The following POMC variants were observed in gnomAD, a reference collection of about 807,000 sequenced individuals.
The protein encoded by POMC is proopiomelanocortin, also known as pro-opiomelanocortin.
A neutral mutation model predicts 18.5 loss-of-function variants in POMC; 19 were observed. The observed-to-expected ratio is 1.03, with a 90% CI of 0.72 to 1.51. The LOEUF (loss-of-function observed/expected upper bound fraction) is 1.51, where lower values mean the gene tolerates loss of function less well. Among genes scored for constraint, POMC ranks in the 40% most tolerant of loss-of-function variants. The probability of loss-of-function intolerance (pLI) is 0.00; values close to 1 mark genes in which losing one functional copy is unlikely to be tolerated. For missense variants in POMC, 451 were observed against 379.0 expected (o/e 1.19, Z -1.58); for synonymous variants, 179 against 161.9 (o/e 1.11, Z -0.80).
At chr2:25,163,881 T>G (rs1671469668) in intron 2 of POMC, among the ~76,000 whole-genome samples, 1 of 152,140 alleles carries the variant, frequency 6.6e-6, no homozygotes, top group South Asian at 2.1e-4. Flanking sequence ...CACCTTAGCA[T>G]CTAAAAGTGC....
Position 25,161,564 on chromosome 2 carries a change from G to A in POMC, c.321C>T (p.Val107=), listed in dbSNP as rs1377850721. 1.9e-6 allele frequency: 3 copies of A among 1,568,618 alleles called. No homozygotes were observed. The highest frequency in any genetic ancestry group is 1.9e-5 in the Admixed American group (1 of 53,656). ...SSGAGQKRED[V]SAGEDCGPLP... ...GCGGGCCGCAGTCTTCGCCCGCTGA[G>A]ACGTCCTCGCGCTTCTGCCCTGCGC... Residue 107 remains valine, a synonymous_variant, in exon 3 of 3, where the codon GTC becomes GTT. Coordinates refer to ENST00000395826, the MANE Select transcript of POMC (RefSeq NM_000939.4). The surrounding 1 kb of genome is among the most constrained non-coding windows in gnomAD (Gnocchi z 5.7).
At chr2:25,164,613 G>A (rs1671490932) in intron 2 of POMC, 28 bp downstream of exon 2, 3 of 1,613,712 alleles carry the variant, frequency 1.9e-6, no homozygotes, top group Non-Finnish European at 2.5e-6. Context: ...TAATGTCTAA[G>A]CCAAGATGGC....
At chr2:25,163,718 C>T (rs751516443) in intron 2 of POMC, among the ~76,000 whole-genome samples, 27 of 152,268 alleles carry the variant, frequency 1.8e-4, no homozygotes, top group Non-Finnish European at 2.1e-4. Context: ...CTTACTGTGT[C>T]GTCAGACTCC....
rs1671410192 is a variant in POMC, at chr2:25,161,973, T to C, written c.133-221A>G. The stretch of plus-strand genomic sequence containing the variant: ...TCTAAGATCTTGCCACTGCCTCTTT[T>C]GTCCCATCCCCTTCATGCTTCTGCC... On this transcript the variant is annotated intron_variant, in intron 2 of 2. Transcript: ENST00000395826. This position sits in a 1 kb window ranked among gnomAD's most constrained non-coding sequence, Gnocchi z 5.7. Among the ~76,000 whole-genome samples the C allele has an allele frequency of 6.6e-6, 1 of 152,226 alleles. No homozygotes were observed. Among genetic ancestry groups the C allele is most frequent in the Admixed American group, 6.5e-5 (1 of 15,284 alleles).
intron 2 of POMC, among the ~76,000 whole-genome samples, chr2:25,164,330 T>A (rs972561567): frequency 6.6e-6 from 1 of 152,122 alleles, no homozygotes; most frequent in Admixed American, 6.5e-5. Context: ...CAGAATAGAT[T>A]GAGGGGTCCA....
In POMC at chr2:25,161,602, T is replaced by TGCTGCCGCTGCTGCTGCTGTTGCG; in HGVS notation, c.282_283insCGCAACAGCAGCAGCAGCGGCAGC (p.Ser94_Ser95insArgAsnSerSerSerSerGlySer). ...TTCTGCCCTGCGCCGCTGCTGCCGC[T>TGCTGCCGCTGCTGCTGCTGTTGCG]GCTGCTGCTGTTGCGGCGGCCGAAT... On this transcript the variant is annotated inframe_insertion, in exon 3 of 3. Transcript: ENST00000395826. This position sits in a 1 kb window ranked among gnomAD's most constrained non-coding sequence, Gnocchi z 5.7. The TGCTGCCGCTGCTGCTGCTGTTGCG allele has an allele frequency of 6.4e-7, 1 of 1,555,452 alleles. No individual in the cohort carries two copies. Among genetic ancestry groups the TGCTGCCGCTGCTGCTGCTGTTGCG allele is most frequent in the Non-Finnish European group, 8.7e-7 (1 of 1,149,684 alleles).
intron 2 of POMC, among the ~76,000 whole-genome samples, chr2:25,163,519 C>T (rs769996835): frequency 3.9e-5 from 6 of 152,246 alleles, no homozygotes; most frequent in Non-Finnish European, 7.3e-5. Flanking sequence ...TCTGCATTGA[C>T]AAAATACACA....
In POMC at chr2:25,161,140, G is replaced by A. The variant is rs761359264; in HGVS notation, c.745C>T (p.Pro249Ser). 46 of 1,613,860 alleles carry A rather than the reference G, an allele frequency of 2.9e-5. No individual in the cohort carries two copies. The Admixed American group carries it at 7.7e-4, about 27-fold the overall frequency. The change falls in exon 3 of 3, where the codon CCC (proline) becomes TCC (serine). Residue 249 changes from proline (P) to serine (S), a missense_variant. By Grantham distance (74) the Pro-to-Ser change is moderately conservative (BLOSUM62 -1). Transcript: ENST00000395826. This position sits in a 1 kb window ranked among gnomAD's most constrained non-coding sequence, Gnocchi z 5.7. ...GCGTTTTTGAACAGCGTCACCAGGGGCGTCTGGCTCTTCTCGGAGGTCATG... is the reference window on the plus strand; with the variant it reads ...GCGTTTTTGAACAGCGTCACCAGGGACGTCTGGCTCTTCTCGGAGGTCATG... ...GFMTSEKSQTPLVTLFKNAII... is the reference protein window; with the variant it reads ...GFMTSEKSQTSLVTLFKNAII...
chr2:25,164,308 A>G (rs368380984), intron 2 of POMC, among the ~76,000 whole-genome samples: 1 of 152,342 alleles, frequency 6.6e-6, no homozygotes, highest in African/African-American at 2.4e-5. Flanking sequence ...GGGAAGCTAA[A>G]GATTTAAAGT....
chr2:25,167,532 G>A lies in POMC; in HGVS notation c.-21+966C>T, dbSNP rs141185340. On this transcript the variant is annotated intron_variant, in intron 1 of 2. Coordinates refer to ENST00000395826, the MANE Select transcript of POMC (RefSeq NM_000939.4). ...GAGGGCATCCGAAACTAGACAGTGC[G>A]TTTCAGGATCTAGGACAGCTCCCGC... 1.1e-3 allele frequency among the ~76,000 whole-genome samples: 175 copies of A among 152,288 alleles called. 1 individual carries two copies. Among genetic ancestry groups the A allele is most frequent in the African/African-American group, 3.4e-3 (140 of 41,564 alleles).
chr2:25,164,123 C>T (rs547086936), intron 2 of POMC, among the ~76,000 whole-genome samples: 1 of 151,120 alleles, frequency 6.6e-6, no homozygotes, highest in South Asian at 2.1e-4. Flanking sequence ...CCAGAATAAA[C>T]ATGAGACATT....
chr2:25,165,031 C>T lies in POMC; in HGVS notation c.-20-239G>A, dbSNP rs188647065. Among the ~76,000 whole-genome samples, 15 of 152,248 alleles carry T rather than the reference C, an allele frequency of 9.9e-5. No homozygotes were observed. In the East Asian group the frequency reaches 2.3e-3, roughly 23 times the overall value. On this transcript the variant is annotated intron_variant, in intron 1 of 2. Coordinates refer to ENST00000395826, the MANE Select transcript of POMC (RefSeq NM_000939.4). ...ATTTCCCTGTTATCTTCTATTTAAA[C>T]GAGACCCCTAAAAAGGTTAAGGCTG...
intron 1 of POMC, among the ~76,000 whole-genome samples, chr2:25,167,467 C>T (rs1671594184): frequency 6.6e-6 from 1 of 152,170 alleles, no homozygotes; most frequent in African/African-American, 2.4e-5. Flanking sequence ...GTGCCCTCAA[C>T]CCAGGATCTG....
intron 1 of POMC, among the ~76,000 whole-genome samples, chr2:25,165,088 C>T (rs1671513092): frequency 6.6e-6 from 1 of 152,172 alleles, no homozygotes. Context: ...TGGTTCAGCC[C>T]TTCCCATGAG....
chr2:25,162,720 T>A (rs1056863726), intron 2 of POMC, among the ~76,000 whole-genome samples: 18 of 152,018 alleles, frequency 1.2e-4, no homozygotes, highest in African/African-American at 4.1e-4. Flanking sequence ...AAAAAATAAA[T>A]AAATAAACAA....
intron 2 of POMC, among the ~76,000 whole-genome samples, chr2:25,162,383 G>A (rs977683662): frequency 6.6e-6 from 1 of 152,196 alleles, no homozygotes; most frequent in African/African-American, 2.4e-5. Context: ...CTGGGAGGTA[G>A]AGGTTGCAGT....
In POMC at chr2:25,161,192, C is replaced by T. The variant is rs778888319; in HGVS notation, c.693G>A (p.Pro231=). The change falls in exon 3 of 3, where the codon CCG becomes CCA. Residue 231 remains proline, a synonymous_variant. Transcript: ENST00000395826. The surrounding 1 kb of genome is among the most constrained non-coding windows in gnomAD (Gnocchi z 5.7). ...AACCGCCGTAGCGCTTGTCCTTGGG[C>T]GGGCTGCCCCAGCGGAAGTGCTCCA... ...YRMEHFRWGS[P]PKDKRYGGFM... is the part of the protein sequence containing the mutation. The T allele has an allele frequency of 2.0e-5, 32 of 1,613,616 alleles. No individual in the cohort carries two copies. The highest frequency in any genetic ancestry group is 6.7e-5 in the Admixed American group (4 of 59,998).
At chr2:25,164,194 T>G (rs1432174726) in intron 2 of POMC, among the ~76,000 whole-genome samples, 2 of 151,776 alleles carry the variant, frequency 1.3e-5, no homozygotes, top group African/African-American at 2.4e-5. Context: ...CAGAGATGAT[T>G]TGAAGAACTA....
chr2:25,162,997 G>T (rs1671443306), intron 2 of POMC, among the ~76,000 whole-genome samples: 2 of 152,180 alleles, frequency 1.3e-5, no homozygotes, highest in Admixed American at 6.5e-5. Context: ...TGTCCCTAGA[G>T]GACTCTATTG....
Sources: gnomAD v4.1 joint callset for allele counts (sites outside exome capture counted in the v4.1 genomes callset) on GRCh38, gnomAD v4.1.1 for gene constraint, Gnocchi (gnomAD v3.1) non-coding constraint, MANE v1.5 for transcripts, NCBI Gene and HGNC (gene_info 2026-07-23, HGNC 2026-07-21) for gene names.